ARFGEF3: variants seen among roughly 807,000 people sequenced by gnomAD.
ARFGEF3 encodes the protein brefeldin A-inhibited guanine nucleotide-exchange protein 3.
In ARFGEF3, 96 loss-of-function variants were observed where a neutral mutation model predicts 221.7. That is an observed-to-expected ratio of 0.43 (90% confidence interval 0.37 to 0.51). The LOEUF (loss-of-function observed/expected upper bound fraction) is 0.51, where lower values mean the gene tolerates loss of function less well. Among genes scored for constraint, ARFGEF3 ranks in the 20% least tolerant of loss-of-function variants. The probability of loss-of-function intolerance (pLI) is 0.00; values close to 1 mark genes in which losing one functional copy is unlikely to be tolerated. For missense variants in ARFGEF3, 2,410 were observed against 2,789.9 expected, an observed-to-expected ratio of 0.86 and a Z score of 3.07; for synonymous variants, 1,145 against 1,126.8, an observed-to-expected ratio of 1.02 and a Z score of -0.32.
chr6:138,330,947 A>G (rs949824428), intron 32 of ARFGEF3, among the ~76,000 whole-genome samples: 1 of 152,242 alleles, frequency 6.6e-6, no homozygotes, highest in African/African-American at 2.4e-5. Flanking sequence ...TCTATTTTAT[A>G]TACCAAAGAT....
chr6:138,250,052 T>C (rs1297288620), intron 8 of ARFGEF3, among the ~76,000 whole-genome samples: 1 of 152,232 alleles, frequency 6.6e-6, no homozygotes, highest in Non-Finnish European at 1.5e-5. Context: ...TTTATTTCTA[T>C]TAGCTAAACT....
chr6:138,273,574 G>C (rs1386563962), intron 12 of ARFGEF3, among the ~76,000 whole-genome samples: 1 of 152,198 alleles, frequency 6.6e-6, no homozygotes, highest in East Asian at 1.9e-4. Flanking sequence ...CTACTAGAGA[G>C]GTACAGGATA....
intron 33 of ARFGEF3, among the ~76,000 whole-genome samples, chr6:138,335,779 C>T (rs1045357971): frequency 6.6e-6 from 1 of 152,122 alleles, no homozygotes; most frequent in African/African-American, 2.4e-5. Context: ...TGAAGAAATT[C>T]TGTAGTTATG....
At chr6:138,316,763 T>G (rs1412940528) in intron 26 of ARFGEF3, among the ~76,000 whole-genome samples, 5 of 152,254 alleles carry the variant, frequency 3.3e-5, no homozygotes, top group Admixed American at 6.5e-5. Context: ...CCAGGGTTTC[T>G]GTTTGAGATG....
chr6:138,257,269 T>C (rs572417124), intron 10 of ARFGEF3, among the ~76,000 whole-genome samples: 2 of 152,242 alleles, frequency 1.3e-5, no homozygotes, highest in South Asian at 4.1e-4. Context: ...CCTCCCCTAC[T>C]ACTGTTCAAC....
chr6:138,328,292 C>G, intron 32 of ARFGEF3, 150 bp downstream of exon 32: 12 of 1,006,666 alleles, frequency 1.2e-5, no homozygotes, highest in Admixed American at 3.0e-5. Context: ...AAACTGTTAG[C>G]CTTGTAACCA....
chr6:138,336,238 G>A, intron 33 of ARFGEF3, 57 bp from the exon 34 acceptor site: 1 of 1,370,550 alleles, frequency 7.3e-7, no homozygotes, highest in Non-Finnish European at 9.8e-7. Context: ...CCACTCTCAA[G>A]TGTTCAAATA....
At chr6:138,177,465 C>CT in intron 2 of ARFGEF3, among the ~76,000 whole-genome samples, 1 of 152,146 alleles carries the variant, frequency 6.6e-6, no homozygotes, top group African/African-American at 2.4e-5. Flanking sequence ...CAGTGAAGTC[C>CT]TTTTTGCAAT....
intron 8 of ARFGEF3, among the ~76,000 whole-genome samples, chr6:138,253,536 T>G (rs976449267): frequency 6.6e-6 from 1 of 152,206 alleles, no homozygotes; most frequent in East Asian, 1.9e-4. Context: ...TCCCCGTGTC[T>G]CTTCACACTG....
In ARFGEF3 at chr6:138,263,144, C is replaced by T; in HGVS notation, c.1661C>T (p.Thr554Ile). The change falls in exon 12 of 34, where the codon ACA becomes ATA. Residue 554 changes from threonine to isoleucine, a missense_variant. By Grantham distance (89) the Thr-to-Ile change is moderately conservative. Coordinates refer to ENST00000251691, the MANE Select transcript of ARFGEF3 (RefSeq NM_020340.5). ...GKETLSKVLE[T>I]EAVDQPDVVQ... ...GAGACGCTGAGCAAAGTATTGGAAACAGAGGCGGTAGACCAGCCAGATGTC... is the reference window on the plus strand; with the variant it reads ...GAGACGCTGAGCAAAGTATTGGAAATAGAGGCGGTAGACCAGCCAGATGTC... 1 of 1,613,996 alleles carries T rather than the reference C, an allele frequency of 6.2e-7. No individual in the cohort carries two copies. Among genetic ancestry groups the T allele is most frequent in the Non-Finnish European group, 8.5e-7 (1 of 1,179,884 alleles).
chr6:138,208,207 C>T (rs77494786), intron 3 of ARFGEF3, among the ~76,000 whole-genome samples: 1 of 152,134 alleles, frequency 6.6e-6, no homozygotes, highest in East Asian at 1.9e-4. Context: ...CTTACTGAAT[C>T]GTGTTAACTG....
rs115903804 is a variant in ARFGEF3 at position 138,171,496 on chromosome 6, C to T, written c.137+783C>T. On this transcript the variant is annotated intron_variant, in intron 2 of 33. Transcript: ENST00000251691. ...TGACTGGTTGTGAAGTCCACAGCCA[C>T]ATGTAGCAGCCCAGAGATAGGAAGC... 5.5e-3 allele frequency among the ~76,000 whole-genome samples: 837 copies of T among 152,310 alleles called. 7 individuals are homozygous for T. Among genetic ancestry groups the T allele is most frequent in the African/African-American group, 0.019 (807 of 41,566 alleles).
intron 10 of ARFGEF3, among the ~76,000 whole-genome samples, 188 bp downstream of exon 10, chr6:138,255,957 G>T (rs760365958): frequency 2.0e-5 from 3 of 152,166 alleles, no homozygotes; most frequent in Admixed American, 6.5e-5. Context: ...TGGGGTAGGA[G>T]GGGTCAGTGA....
Position 138,296,843 on chromosome 6 carries a change from C to A in ARFGEF3, c.3536C>A (p.Ala1179Asp). The A allele has an allele frequency of 6.2e-7, 1 of 1,614,036 alleles. No homozygotes were observed. Among genetic ancestry groups the A allele is most frequent in the Non-Finnish European group, 8.5e-7 (1 of 1,179,894 alleles). ...EVKSTQDRKS[A>D]LHLFRLGNAM... ...AAATCCACTCAAGACCGAAAAAGCG[C>A]CCTCCACCTGTTCCGCCTGGGGAAT... The change falls in exon 21 of 34, where the codon GCC (alanine) becomes GAC (aspartate). Residue 1179 changes from alanine to aspartate, a missense_variant. Physicochemically the swap from Ala to Asp is moderately radical, Grantham distance 126 (BLOSUM62 -2). Transcript: ENST00000251691.
intron 14 of ARFGEF3, among the ~76,000 whole-genome samples, chr6:138,283,650 C>T (rs1053598892): frequency 1.3e-5 from 2 of 152,188 alleles, no homozygotes; most frequent in Non-Finnish European, 2.9e-5. Context: ...TAACTGTGGC[C>T]ATTCCTGATG....
intron 5 of ARFGEF3, 24 bp from the exon 6 acceptor site, chr6:138,238,485 G>A (rs1264103777): frequency 1.2e-6 from 2 of 1,608,850 alleles, no homozygotes; most frequent in Non-Finnish European, 8.5e-7. Flanking sequence ...AGACATGTGT[G>A]TTGCTGTCTT....
intron 8 of ARFGEF3, among the ~76,000 whole-genome samples, chr6:138,251,414 A>G (rs748500798): frequency 6.6e-6 from 1 of 152,192 alleles, no homozygotes. Flanking sequence ...AGTGAAGGCA[A>G]TCCTTCCAGA....
chr6:138,265,184 T>C (rs963604573), intron 12 of ARFGEF3, among the ~76,000 whole-genome samples: 3 of 152,208 alleles, frequency 2.0e-5, no homozygotes, highest in Non-Finnish European at 4.4e-5. Context: ...ATTACAGGCA[T>C]GAGCCACTGC....
intron 4 of ARFGEF3, chr6:138,217,717 A>G (rs1361432990): frequency 2.7e-6 from 1 of 370,624 alleles, no homozygotes; most frequent in African/African-American, 2.2e-5. Flanking sequence ...AGACAGAAAC[A>G]CATGTGGTAG....
Sources: gnomAD v4.1 joint callset for allele counts (sites outside exome capture counted in the v4.1 genomes callset) on GRCh38, gnomAD v4.1.1 for gene constraint, MANE v1.5 for transcripts, NCBI Gene and HGNC (gene_info 2026-07-23, HGNC 2026-07-21) for gene names.